Variants in CD300C observed in about 807,000 individuals in gnomAD.
CD300C encodes the protein CMRF35-like molecule 6.
A neutral mutation model predicts 18.4 loss-of-function variants in CD300C; 11 were observed. The ratio of observed to expected loss-of-function variants is 0.60; its 90% CI spans 0.38 to 0.99. CD300C has a LOEUF of 0.99. CD300C is among the 50% of genes least tolerant of loss of function. CD300C has a pLI of 0.01. For missense variants in CD300C, 277 were observed against 287.4 expected (o/e 0.96, Z 0.26); for synonymous variants, 116 against 116.3 (o/e 1.00, Z 0.02).
At chr17:74,537,407 T>A (rs2143123774), downstream of CD300C, among the ~76,000 whole-genome samples, 1 of 152,210 alleles carries the variant, frequency 6.6e-6, no homozygotes, top group African/African-American at 2.4e-5. Context: ...ATCCCAGCAC[T>A]TTCGGAGGCT....
downstream of CD300C, among the ~76,000 whole-genome samples, chr17:74,540,468 G>A (rs899368680): frequency 2.0e-5 from 3 of 152,110 alleles, no homozygotes; most frequent in African/African-American, 4.8e-5. Flanking sequence ...GGGTGTTCAC[G>A]GCTGGACTCC....
rs147686810 is a variant in CD300C, at chr17:74,542,888, T to C, written c.500A>G (p.Asp167Gly). The C allele has an allele frequency of 1.0e-3, 1,619 of 1,610,014 alleles. 15 individuals are homozygous for C. The African/African-American group carries it at 0.019, about 19-fold the overall frequency. The change falls in exon 3 of 4, where the codon GAC (aspartate) becomes GGC (glycine). Residue 167 changes from aspartate to glycine, a missense_variant. Transcript: ENST00000330793. Reference protein sequence around the residue: ...VHTWPSVTRKDSPEPSPHPGS... With the variant: ...VHTWPSVTRKGSPEPSPHPGS... Reference sequence around the variant, plus strand: ...AGGGTGTGGGCTGGGTTCGGGGCTGTCCTTTCTGGTCACGCTGGGCCAGGT... The same window carrying C: ...AGGGTGTGGGCTGGGTTCGGGGCTGCCCTTTCTGGTCACGCTGGGCCAGGT...
chr17:74,542,415 TTCC>T (rs1467140729), intron 3 of CD300C, among the ~76,000 whole-genome samples: 1 of 152,116 alleles, frequency 6.6e-6, no homozygotes, highest in African/African-American at 2.4e-5. Flanking sequence ...TGGACCCTTC[TTCC>T]TCCAGACCCC....
At chr17:74,536,324 G>T (rs1266178852), downstream of CD300C, among the ~76,000 whole-genome samples, 3 of 152,084 alleles carry the variant, frequency 2.0e-5, no homozygotes, top group Non-Finnish European at 4.4e-5. Context: ...ATGAGGTCAG[G>T]AGATCGAGAC....
chr17:74,543,822 G>T (rs926365221), intron 2 of CD300C, among the ~76,000 whole-genome samples: 17 of 152,170 alleles, frequency 1.1e-4, no homozygotes, highest in Non-Finnish European at 2.1e-4. Context: ...TCTTCGGCAC[G>T]GGAAAGGGCC....
downstream of CD300C, among the ~76,000 whole-genome samples, chr17:74,536,901 T>C (rs1482234544): frequency 6.6e-6 from 1 of 151,594 alleles, no homozygotes; most frequent in Non-Finnish European, 1.5e-5. Context: ...AAAATTAGGA[T>C]ATATGTTCAT....
Position 74,542,865 on chromosome 17 carries a change from G to C in CD300C, c.523C>G (p.Pro175Ala). The change falls in exon 3 of 4, where the codon CCT becomes GCT. Residue 175 changes from proline to alanine, a missense_variant. Pro to Ala is a conservative substitution (Grantham distance 27, BLOSUM62 -1). Coordinates refer to ENST00000330793, the MANE Select transcript of CD300C (RefSeq NM_006678.5). ...TCCTATGCGCAGGCACCTTACCCAGGGTGTGGGCTGGGTTCGGGGCTGTCC... is the reference window on the plus strand; with the variant it reads ...TCCTATGCGCAGGCACCTTACCCAGCGTGTGGGCTGGGTTCGGGGCTGTCC... ...RKDSPEPSPH[P>A]GSLFSNVRFL... 2 of 1,606,248 alleles carry C rather than the reference G, an allele frequency of 1.2e-6. No individual in the cohort carries two copies. The highest frequency in any genetic ancestry group is 2.2e-5 in the South Asian group (2 of 91,006).
At chr17:74,545,573 C>A in intron 1 of CD300C, 149 bp downstream of exon 1, 2 of 619,980 alleles carry the variant, frequency 3.2e-6, no homozygotes, top group Admixed American at 2.5e-5. Flanking sequence ...CCTGGTGAGG[C>A]AGCTGCTGAC....
chr17:74,537,482 AGCCGGACATGGTG>A (rs1908415338), downstream of CD300C, among the ~76,000 whole-genome samples: 1 of 152,136 alleles, frequency 6.6e-6, no homozygotes, highest in Non-Finnish European at 1.5e-5. Context: ...ACAAAAATTT[AGCCGGACATGGTG>A]GCACATGCCT....
chr17:74,537,923 T>G (rs1034373506), downstream of CD300C, among the ~76,000 whole-genome samples: 4 of 152,104 alleles, frequency 2.6e-5, no homozygotes, highest in African/African-American at 9.7e-5. Context: ...AAGACCCATC[T>G]CTATAAAAAA....
Position 74,545,708 on chromosome 17 carries a change from G to A in CD300C, c.61+14C>T. Reference sequence around the variant, plus strand: ...CAGGACAGAGCTCCCCAAGTCCAGGGTCGGCCCACTCACCTGGGACAAGCA... The same window carrying A: ...CAGGACAGAGCTCCCCAAGTCCAGGATCGGCCCACTCACCTGGGACAAGCA... On this transcript the variant is annotated intron_variant, in intron 1 of 3. Transcript: ENST00000330793. The A allele has an allele frequency of 6.2e-7, 1 of 1,600,636 alleles. No individual in the cohort carries two copies. Among genetic ancestry groups the A allele is most frequent in the Non-Finnish European group, 8.5e-7 (1 of 1,172,862 alleles).
At position 74,545,977 on chromosome 17, in the gene CD300C, C is replaced by T. The variant is rs1046806924; in HGVS notation, c.-195G>A. The T allele has an allele frequency of 1.0e-5, 6 of 583,282 alleles. No individual in the cohort carries two copies. Among genetic ancestry groups the T allele is most frequent in the South Asian group, 1.9e-5 (1 of 51,802 alleles). The allele number at this position is 583,282 out of a possible 1,614,324, so 36.1% of individuals were successfully genotyped here. Reference sequence around the variant, plus strand: ...AGGGAGAGAGCCGCCTGGGCTGAGGCCGGTGCTGACAGCTCTGGGATGGTG... The same window carrying T: ...AGGGAGAGAGCCGCCTGGGCTGAGGTCGGTGCTGACAGCTCTGGGATGGTG... On this transcript the variant is annotated 5_prime_UTR_variant, in exon 1 of 4. Transcript: ENST00000330793.
chr17:74,535,541 AT>A, the CD300C span, among the ~76,000 whole-genome samples: 1 of 151,880 alleles, frequency 6.6e-6, no homozygotes, highest in African/African-American at 2.4e-5. Context: ...CTTAACAAAT[AT>A]ATGAGCAAAT....
chr17:74,534,938 A>G, the CD300C span, among the ~76,000 whole-genome samples: 5 of 152,216 alleles, frequency 3.3e-5, no homozygotes, highest in Non-Finnish European at 7.3e-5. Flanking sequence ...CAAAATCACT[A>G]CTTTGATTCA....
intron 2 of CD300C, 151 bp downstream of exon 2, chr17:74,544,458 C>G: frequency 1.3e-6 from 1 of 757,194 alleles, no homozygotes. Flanking sequence ...TACACAAAGA[C>G]GCACTCACAC....
At chr17:74,543,307 C>T (rs558535872) in intron 2 of CD300C, among the ~76,000 whole-genome samples, 1 of 152,374 alleles carries the variant, frequency 6.6e-6, no homozygotes, top group East Asian at 1.9e-4. Flanking sequence ...GTGATGTTTA[C>T]TCTGCGAAGG....
the CD300C span, among the ~76,000 whole-genome samples, chr17:74,534,923 T>G: frequency 6.6e-6 from 1 of 152,202 alleles, no homozygotes; most frequent in Non-Finnish European, 1.5e-5. Context: ...GAGGACAAGA[T>G]TGCTCAAAAT....
At chr17:74,544,083 C>G (rs1908658825) in intron 2 of CD300C, among the ~76,000 whole-genome samples, 1 of 152,174 alleles carries the variant, frequency 6.6e-6, no homozygotes, top group African/African-American at 2.4e-5. Flanking sequence ...GCCTCAGGAC[C>G]CTCCAGACAG....
At chr17:74,545,285 A>C (rs1480061959) in intron 1 of CD300C, among the ~76,000 whole-genome samples, 1 of 145,678 alleles carries the variant, frequency 6.9e-6, no homozygotes, top group Non-Finnish European at 1.5e-5. Flanking sequence ...TGCATGTGTG[A>C]CTGTGTGTGC....
Sources: allele counts gnomAD v4.1 joint callset (sites outside exome capture counted in the v4.1 genomes callset), GRCh38; gene constraint gnomAD v4.1.1; transcripts MANE v1.5; gene names NCBI Gene and HGNC (gene_info 2026-07-23, HGNC 2026-07-21).